The following MME variants were observed in gnomAD, a reference collection of about 807,000 sequenced individuals.
MME encodes the protein membrane metalloendopeptidase.
In MME, 98 loss-of-function variants were observed where a neutral mutation model predicts 113.2. That is an observed-to-expected ratio of 0.87 (90% CI 0.74 to 1.02). The LOEUF (loss-of-function observed/expected upper bound fraction) is 1.02. Among genes scored for constraint, MME ranks in the 50% least tolerant of loss-of-function variants. MME has a pLI of 0.00. For missense variants in MME, 836 were observed against 896.0 expected, an observed-to-expected ratio of 0.93 and a Z score of 0.86; for synonymous variants, 292 against 300.6, an observed-to-expected ratio of 0.97 and a Z score of 0.30.
intron 3 of MME, among the ~76,000 whole-genome samples, chr3:155,093,717 A>C (rs1472918143): frequency 6.6e-6 from 1 of 151,976 alleles, no homozygotes. Flanking sequence ...CTATCTGGGC[A>C]TGGTGGTGGA....
At chr3:155,160,344 CA>C (rs1722624626) in intron 16 of MME, 45 bp from the exon 17 acceptor site, 1 of 1,239,856 alleles carries the variant, frequency 8.1e-7, no homozygotes, top group Non-Finnish European at 1.2e-6. Context: ...TGGGTTGAAT[CA>C]GATAATGCAG....
chr3:155,024,579 T>A (rs189683301), intron 1 of MME, among the ~76,000 whole-genome samples: 160 of 152,292 alleles, frequency 1.1e-3, no homozygotes, highest in Non-Finnish European at 1.4e-3. Context: ...AGGGGAGTAA[T>A]GCCATTCAAC....
intron 17 of MME, 112 bp from the exon 18 acceptor site, chr3:155,166,790 G>C: frequency 7.5e-7 from 1 of 1,331,732 alleles, no homozygotes; most frequent in Non-Finnish European, 1.1e-6. Flanking sequence ...TGCCATGGTG[G>C]CATGCGCCTG....
chr3:155,041,326 A>G (rs1713310390), intron 1 of MME, among the ~76,000 whole-genome samples: 1 of 152,148 alleles, frequency 6.6e-6, no homozygotes, highest in Admixed American at 6.6e-5. Flanking sequence ...AAATATTCAG[A>G]TGTGCTAGAA....
intron 3 of MME, among the ~76,000 whole-genome samples, chr3:155,095,890 A>G (rs1716694428): frequency 6.6e-6 from 1 of 152,230 alleles, no homozygotes; most frequent in South Asian, 2.1e-4. Context: ...AGGAGCACCT[A>G]AACCAGAGCG....
chr3:155,180,716 T>C lies in MME; in HGVS notation c.*257T>C. 1 of 423,658 alleles carries C rather than the reference T, an allele frequency of 2.4e-6. No individual in the cohort carries two copies. The highest frequency in any genetic ancestry group is 4.4e-6 in the Non-Finnish European group (1 of 226,262). 26.2% of individuals were successfully genotyped at this position (423,658 alleles called of 1,614,324 possible). On this transcript the variant is annotated 3_prime_UTR_variant, in exon 23 of 23. Transcript: ENST00000360490. ...GCTTAATTTCTAAAGATAATATTAC[T>C]GTTTATTTCTGTTTCTCATATGGTC... is the stretch of plus-strand genomic sequence containing the variant.
chr3:155,044,022 T>C (rs1311657369), intron 1 of MME, among the ~76,000 whole-genome samples: 1 of 152,076 alleles, frequency 6.6e-6, no homozygotes, highest in Non-Finnish European at 1.5e-5. Context: ...TCAATCTCAA[T>C]GAAGTTAAAA....
At chr3:155,034,270 C>T (rs1713062528) in intron 1 of MME, among the ~76,000 whole-genome samples, 2 of 152,332 alleles carry the variant, frequency 1.3e-5, no homozygotes, top group Non-Finnish European at 2.9e-5. Flanking sequence ...AAACTTACCA[C>T]CAGTTCATTT....
intron 8 of MME, among the ~76,000 whole-genome samples, chr3:155,136,659 T>G (rs902556527): frequency 2.6e-5 from 4 of 152,224 alleles, no homozygotes; most frequent in African/African-American, 9.6e-5. Context: ...TCTTGCTTGA[T>G]CGAATATTTC....
chr3:155,079,636 G>GT (rs1031079572), upstream of MME: 6 of 138,834 alleles, frequency 4.3e-5, no homozygotes, highest in East Asian at 2.6e-4. Flanking sequence ...GGGGTGGGGG[G>GT]GGTGGGCCGT....
At chr3:155,089,715 T>A in intron 3 of MME, 1 of 310,806 alleles carries the variant, frequency 3.2e-6, no homozygotes, top group South Asian at 2.5e-5. Flanking sequence ...TATGGCAACA[T>A]GCCTGTAATC....
rs1308128313 is a variant in MME at position 155,172,550 on chromosome 3, C to T, written c.2091C>T (p.Thr697=). ...CCTATCTCTAGGTGTGGTGTGGAAC[C>T]TATAGGCCAGAGTATGCGGTTAACT... ...FLNFAQVWCG[T]YRPEYAVNSI... The change falls in exon 22 of 23, where the codon ACC becomes ACT. Residue 697 remains threonine, a synonymous_variant. Transcript: ENST00000360490. 3.1e-6 allele frequency: 5 copies of T among 1,612,212 alleles called. No homozygotes were observed. The East Asian group carries it at 1.1e-4, about 36-fold the overall frequency.
At chr3:155,046,075 T>C (rs1054297492) in intron 1 of MME, among the ~76,000 whole-genome samples, 1 of 152,210 alleles carries the variant, frequency 6.6e-6, no homozygotes, top group African/African-American at 2.4e-5. Context: ...CTTTTGTGCC[T>C]CTATCTCTTG....
chr3:155,152,178 C>T (rs1197105355), intron 16 of MME, among the ~76,000 whole-genome samples: 1 of 152,144 alleles, frequency 6.6e-6, no homozygotes, highest in Non-Finnish European at 1.5e-5. Context: ...CAAATCCTTT[C>T]TCTGTCTTTC....
At chr3:155,049,680 G>T (rs192097777) in intron 1 of MME, among the ~76,000 whole-genome samples, 10 of 149,460 alleles carry the variant, frequency 6.7e-5, no homozygotes, top group African/African-American at 2.5e-4. Flanking sequence ...TCTATATATA[G>T]AGAGAGAACA....
chr3:155,156,185 A>G (rs929784511), intron 16 of MME, among the ~76,000 whole-genome samples: 20 of 152,164 alleles, frequency 1.3e-4, no homozygotes, highest in African/African-American at 4.6e-4. Context: ...GGGTGAGGGG[A>G]GTAGACCTGA....
chr3:155,033,464 T>C (rs1009813317), intron 1 of MME, among the ~76,000 whole-genome samples: 5 of 152,200 alleles, frequency 3.3e-5, no homozygotes, highest in African/African-American at 7.2e-5. Flanking sequence ...GTGGAAACTA[T>C]GTAACAAGCT....
At chr3:155,104,033 T>A (rs1576587751) in intron 3 of MME, among the ~76,000 whole-genome samples, 1 of 152,286 alleles carries the variant, frequency 6.6e-6, no homozygotes, top group Admixed American at 6.5e-5. Context: ...GACCTGAGCA[T>A]CACAAAACAA....
intron 12 of MME, 31 bp from the exon 13 acceptor site, chr3:155,143,412 T>C: frequency 6.2e-7 from 1 of 1,608,168 alleles, no homozygotes; most frequent in Admixed American, 1.7e-5. Context: ...TTCCTTCTGG[T>C]CAAATGCCAT....
Sources: gnomAD v4.1 joint callset for allele counts (sites outside exome capture counted in the v4.1 genomes callset) on GRCh38, gnomAD v4.1.1 for gene constraint, MANE v1.5 for transcripts, NCBI Gene and HGNC (gene_info 2026-07-23, HGNC 2026-07-21) for gene names.